SLC35F4: variants seen among roughly 807,000 people sequenced by gnomAD.
SLC35F4 encodes chromosome 14 open reading frame 36.
SLC35F4 carries 24 observed loss-of-function variants against 44.2 expected under a neutral mutation model. The ratio of observed to expected loss-of-function variants is 0.54; its 90% CI spans 0.39 to 0.76. The LOEUF is 0.76. Among genes scored for constraint, SLC35F4 ranks in the 30% least tolerant of loss-of-function variants. The probability of loss-of-function intolerance (pLI) is 0.00; values close to 1 mark genes in which losing one functional copy is unlikely to be tolerated. For synonymous variants in SLC35F4, 238 were observed against 223.6 expected (o/e 1.06, Z -0.57); for missense variants, 562 against 586.1 (o/e 0.96, Z 0.42).
rs536173190 is a variant in SLC35F4, at chr14:57,716,300, T to A, written c.104-122176A>T. On this transcript the variant is annotated intron_variant, in intron 1 of 7. Coordinates refer to ENST00000556826, the MANE Select transcript of SLC35F4 (RefSeq NM_001306087.2). ...CAGGTAATTTCTCATTTTCACTTTT[T>A]TTTTTTCTGTCTTTTGTAATACTAA... Among the ~76,000 whole-genome samples the A allele has an allele frequency of 4.6e-5, 7 of 151,926 alleles. No individual in the cohort carries two copies. In the South Asian group the frequency reaches 6.3e-4, roughly 14 times the overall value.
At chr14:57,680,555 C>T (rs750798996) in intron 1 of SLC35F4, among the ~76,000 whole-genome samples, 12 of 151,970 alleles carry the variant, frequency 7.9e-5, no homozygotes, top group Non-Finnish European at 1.8e-4. Flanking sequence ...AAAGGGTATT[C>T]GAAAAGGGAA....
intron 1 of SLC35F4, among the ~76,000 whole-genome samples, chr14:57,859,828 A>C (rs1208711870): frequency 6.6e-6 from 1 of 152,230 alleles, no homozygotes; most frequent in Non-Finnish European, 1.5e-5. Flanking sequence ...AGGATAACTC[A>C]GAGTTTCTGG....
Position 57,566,536 on chromosome 14 carries a change from C to T in SLC35F4, c.1155G>A (p.Val385=). 6.2e-7 allele frequency: 1 copy of T among 1,602,390 alleles called. No individual in the cohort carries two copies. The highest frequency in any genetic ancestry group is 8.5e-7 in the Non-Finnish European group (1 of 1,174,614). Residue 385 remains valine (V), a synonymous_variant, in exon 7 of 8, where the codon GTG becomes GTA. Coordinates refer to ENST00000556826, the MANE Select transcript of SLC35F4 (RefSeq NM_001306087.2). ...AGATTAGGATTGGGTATGTCAGCAC[C>T]ACCCCAACATTCACCAGGATGTTGA... ...LAFNILVNVG[V]VLTYPILISI...
chr14:57,912,313 C>T (rs1381950176), intron 1 of SLC35F4, among the ~76,000 whole-genome samples: 1 of 151,738 alleles, frequency 6.6e-6, no homozygotes, highest in Non-Finnish European at 1.5e-5. Context: ...TTAATTTGCA[C>T]ACTTTTTCTA....
At chr14:57,626,048 C>G (rs1158144553) in intron 1 of SLC35F4, among the ~76,000 whole-genome samples, 1 of 150,314 alleles carries the variant, frequency 6.7e-6, no homozygotes, top group Non-Finnish European at 1.5e-5. Context: ...TGGAAACCAT[C>G]ATTCTCAGCA....
chr14:57,662,072 A>C (rs1170093285), intron 1 of SLC35F4, among the ~76,000 whole-genome samples: 2 of 152,206 alleles, frequency 1.3e-5, no homozygotes, highest in African/African-American at 2.4e-5. Context: ...GGCAGATGTC[A>C]GAGACTGTGT....
In SLC35F4 at chr14:57,764,076, G is replaced by C. The variant is rs550207812; in HGVS notation, c.103+101647C>G. Among the ~76,000 whole-genome samples the C allele has an allele frequency of 1.1e-4, 16 of 152,176 alleles. No individual in the cohort carries two copies. The South Asian group carries it at 1.5e-3, about 14-fold the overall frequency. ...CGCCCAAGACACAATTTCTAGCCAA[G>C]AGCCAACATCAACTGTCAGCCATGT... On this transcript the variant is annotated intron_variant, in intron 1 of 7. Coordinates refer to ENST00000556826, the MANE Select transcript of SLC35F4 (RefSeq NM_001306087.2).
chr14:57,923,105 A>C (rs1889474062), intron 1 of SLC35F4, among the ~76,000 whole-genome samples: 2 of 152,222 alleles, frequency 1.3e-5, no homozygotes, highest in Non-Finnish European at 2.9e-5. Context: ...AACTTGGCCA[A>C]GATGATGCAT....
At chr14:57,583,537 C>T (rs1352464566) in intron 3 of SLC35F4, among the ~76,000 whole-genome samples, 1 of 152,158 alleles carries the variant, frequency 6.6e-6, no homozygotes, top group African/African-American at 2.4e-5. Context: ...ACACTCCAAT[C>T]CCACAGGGAA....
Position 57,925,394 on chromosome 14 carries a change from A to G in SLC35F4, n.282+56519T>C, listed in dbSNP as rs547412502. On this transcript the variant is annotated intron_variant and non_coding_transcript_variant, in intron 1 of 1. Transcript: ENST00000556568. ...TGAATAAGAACTTACTCCCAGTGGT[A>G]TATTTTCTACATTTTGGGAGACTGG... Among the ~76,000 whole-genome samples the G allele has an allele frequency of 1.2e-3, 189 of 151,862 alleles. 2 individuals are homozygous for G. In the South Asian group the frequency reaches 0.038, roughly 30 times the overall value.
At chr14:57,826,062 C>A (rs1263387412) in intron 1 of SLC35F4, among the ~76,000 whole-genome samples, 1 of 152,116 alleles carries the variant, frequency 6.6e-6, no homozygotes, top group Non-Finnish European at 1.5e-5. Flanking sequence ...CCAAGACAAT[C>A]CTAAGCAAAA....
chr14:57,967,953 C>T (rs1290849313), intron 1 of SLC35F4, among the ~76,000 whole-genome samples: 1 of 152,152 alleles, frequency 6.6e-6, no homozygotes, highest in Non-Finnish European at 1.5e-5. Context: ...AATTATTTTG[C>T]ATCTTCATGG....
intron 1 of SLC35F4, among the ~76,000 whole-genome samples, chr14:57,662,356 G>C (rs1456220245): frequency 2.6e-5 from 4 of 152,172 alleles, no homozygotes; most frequent in Non-Finnish European, 5.9e-5. Flanking sequence ...TTGAGGTTTG[G>C]TCACAGTATG....
chr14:57,685,828 G>C (rs1326030877), intron 1 of SLC35F4, among the ~76,000 whole-genome samples: 1 of 152,178 alleles, frequency 6.6e-6, no homozygotes, highest in African/African-American at 2.4e-5. Flanking sequence ...CTTATGAGCA[G>C]TCGAGGGACT....
chr14:57,596,930 C>T, intron 1 of SLC35F4: 1 of 1,343,576 alleles, frequency 7.4e-7, no homozygotes, highest in Non-Finnish European at 9.9e-7. Flanking sequence ...TTAAACAATA[C>T]AAACTTTAAA....
chr14:57,978,556 G>A (rs1016787343), intron 1 of SLC35F4, among the ~76,000 whole-genome samples: 2 of 152,206 alleles, frequency 1.3e-5, no homozygotes, highest in African/African-American at 4.8e-5. Flanking sequence ...TACATGGCTT[G>A]TTAAAGGCTC....
chr14:57,735,570 A>C (rs1038835032), intron 1 of SLC35F4, among the ~76,000 whole-genome samples: 1 of 152,140 alleles, frequency 6.6e-6, no homozygotes, highest in Non-Finnish European at 1.5e-5. Flanking sequence ...TAGCTTTCCC[A>C]CATGACTGTC....
intron 1 of SLC35F4, among the ~76,000 whole-genome samples, chr14:57,669,889 A>C (rs1462294234): frequency 6.6e-6 from 1 of 152,130 alleles, no homozygotes; most frequent in African/African-American, 2.4e-5. Context: ...GGATTGGAAT[A>C]GTTTCAGAAG....
intron 1 of SLC35F4, among the ~76,000 whole-genome samples, chr14:57,891,965 A>G (rs1888779432): frequency 6.6e-6 from 1 of 152,172 alleles, no homozygotes; most frequent in South Asian, 2.1e-4. Flanking sequence ...AGTTCTACAA[A>G]TTTATTATTT....
Sources: allele counts gnomAD v4.1 joint callset (sites outside exome capture counted in the v4.1 genomes callset), GRCh38; gene constraint gnomAD v4.1.1; transcripts MANE v1.5; gene names NCBI Gene and HGNC (gene_info 2026-07-23, HGNC 2026-07-21).